CAST: variants seen among roughly 807,000 people sequenced by gnomAD.
CAST encodes MIR583 host.
CAST carries 76 observed loss-of-function variants against 119.6 expected under a neutral mutation model. That is an observed-to-expected ratio of 0.64 (90% CI 0.53 to 0.77). CAST has a LOEUF of 0.77. CAST is among the 30% of genes least tolerant of loss of function. CAST has a pLI of 0.00. For synonymous variants in CAST, 319 were observed against 331.6 expected, an observed-to-expected ratio of 0.96 and a Z score of 0.41; for missense variants, 953 against 946.5, an observed-to-expected ratio of 1.01 and a Z score of -0.09.
chr5:96,328,956 T>G, the CAST span, among the ~76,000 whole-genome samples: 1 of 152,270 alleles, frequency 6.6e-6, no homozygotes, highest in African/African-American at 2.4e-5. Context: ...ATGTCCTAAC[T>G]GTGTTTTATT....
At chr5:96,644,033 G>A (rs1561438136) in intron 1 of CAST, among the ~76,000 whole-genome samples, 2 of 151,412 alleles carry the variant, frequency 1.3e-5, no homozygotes, top group Non-Finnish European at 2.9e-5. Flanking sequence ...GGGACAGAAC[G>A]AGGTTCCGTC....
At chr5:96,027,252 C>G in the CAST span, among the ~76,000 whole-genome samples, 1 of 151,554 alleles carries the variant, frequency 6.6e-6, no homozygotes, top group Non-Finnish European at 1.5e-5. Context: ...TGGTATCAAC[C>G]CTTAATATCA....
chr5:96,248,014 A>G, the CAST span: 1 of 152,258 alleles, frequency 6.6e-6, no homozygotes, highest in Non-Finnish European at 1.5e-5. Context: ...GCCACTGCTT[A>G]CAGGTAATAT....
At chr5:96,520,413 C>T (rs1745496088), upstream of CAST, among the ~76,000 whole-genome samples, 1 of 152,244 alleles carries the variant, frequency 6.6e-6, no homozygotes, top group Non-Finnish European at 1.5e-5. Flanking sequence ...AACACATACA[C>T]TCAGATGCCC....
upstream of CAST, among the ~76,000 whole-genome samples, chr5:96,522,998 C>A (rs1402240574): frequency 2.6e-5 from 4 of 152,228 alleles, no homozygotes. Flanking sequence ...TCAGCATCCA[C>A]CATTTCTCCT....
the CAST span, chr5:96,410,980 G>C: frequency 1.2e-6 from 2 of 1,612,008 alleles, no homozygotes; most frequent in South Asian, 1.1e-5. Context: ...CCCTTCCCCT[G>C]TCTCCCCTAA....
the CAST span, chr5:96,432,826 G>A: frequency 0.023 from 36,208 of 1,596,076 alleles, 515 homozygotes; most frequent in Non-Finnish European, 0.026. Context: ...CAGTCCCCTG[G>A]GGCCCCAGAA....
chr5:96,630,584 C>T (rs1319337287), intron 1 of CAST, among the ~76,000 whole-genome samples: 2 of 151,962 alleles, frequency 1.3e-5, no homozygotes, highest in South Asian at 2.1e-4. Context: ...GTCAGGAGTT[C>T]GAGACCAGCC....
intron 1 of CAST, among the ~76,000 whole-genome samples, chr5:96,665,891 A>C (rs1749275407): frequency 6.6e-6 from 1 of 151,634 alleles, no homozygotes. Context: ...TACAGATATA[A>C]ATACAGATGT....
chr5:96,343,389 C>T, the CAST span, among the ~76,000 whole-genome samples: 2 of 152,126 alleles, frequency 1.3e-5, no homozygotes, highest in African/African-American at 2.4e-5. Flanking sequence ...GTTTAAAGTT[C>T]TGTTCTATTT....
chr5:95,983,801 A>G, the CAST span, among the ~76,000 whole-genome samples: 1 of 152,106 alleles, frequency 6.6e-6, no homozygotes, highest in Non-Finnish European at 1.5e-5. Flanking sequence ...AAGGGGGAAC[A>G]TTTTCTTTTC....
At chr5:96,253,410 C>T in the CAST span, among the ~76,000 whole-genome samples, 10 of 152,148 alleles carry the variant, frequency 6.6e-5, no homozygotes, top group Admixed American at 2.6e-4. Flanking sequence ...GGGACCCAGG[C>T]GTTGGTATTG....
At chr5:96,008,309 T>C in the CAST span, among the ~76,000 whole-genome samples, 1 of 152,238 alleles carries the variant, frequency 6.6e-6, no homozygotes, top group Non-Finnish European at 1.5e-5. Context: ...CTGTTCACTT[T>C]TCCTGTTACT....
At chr5:96,086,250 C>A in the CAST span, among the ~76,000 whole-genome samples, 1 of 152,066 alleles carries the variant, frequency 6.6e-6, no homozygotes, top group African/African-American at 2.4e-5. Context: ...ATCCCAGGAT[C>A]AGAACCTGCA....
At chr5:96,256,373 ATAT>A in the CAST span, among the ~76,000 whole-genome samples, 2 of 36,508 alleles carry the variant, frequency 5.5e-5, no homozygotes, top group African/African-American at 2.7e-4. Context: ...ATACAGTAAT[ATAT>A]ATATATACTA....
At chr5:96,275,851 G>A in the CAST span, among the ~76,000 whole-genome samples, 1 of 152,138 alleles carries the variant, frequency 6.6e-6, no homozygotes, top group Non-Finnish European at 1.5e-5. Flanking sequence ...CGCCTTAATT[G>A]CTTCTATCTA....
intron 1 of CAST, among the ~76,000 whole-genome samples, chr5:96,671,727 C>T (rs1365708438): frequency 6.6e-6 from 1 of 152,232 alleles, no homozygotes; most frequent in Non-Finnish European, 1.5e-5. Flanking sequence ...CCCCAGCTGT[C>T]AATCCTTCCC....
chr5:96,611,354 G>A (rs1383106211), intron 1 of CAST, among the ~76,000 whole-genome samples: 1 of 152,058 alleles, frequency 6.6e-6, no homozygotes, highest in Non-Finnish European at 1.5e-5. Context: ...AATAAACAAT[G>A]GATAAAGGAC....
chr5:96,122,378 T>A, the CAST span, among the ~76,000 whole-genome samples: 1 of 152,174 alleles, frequency 6.6e-6, no homozygotes, highest in South Asian at 2.1e-4. Flanking sequence ...TGAGATACTT[T>A]TTTTCCTTTA....
Sources: allele counts gnomAD v4.1 joint callset (sites outside exome capture counted in the v4.1 genomes callset), GRCh38; gene constraint gnomAD v4.1.1; transcripts MANE v1.5; gene names NCBI Gene and HGNC (gene_info 2026-07-23, HGNC 2026-07-21).